Variants in CCDC33 observed in about 807,000 individuals in gnomAD.
The protein encoded by CCDC33 is coiled-coil domain-containing protein 33.
Under a neutral mutation model 91.9 loss-of-function variants are expected in CCDC33, and 94 were observed. The ratio of observed to expected loss-of-function variants is 1.02; its 90% CI spans 0.87 to 1.21. The LOEUF (loss-of-function observed/expected upper bound fraction) is 1.21. CCDC33 is among the 50% of genes most tolerant of loss of function. CCDC33 has a pLI of 0.00. For synonymous variants in CCDC33, 396 were observed against 374.5 expected (o/e 1.06, Z -0.66); for missense variants, 940 against 935.5 (o/e 1.00, Z -0.06).
intron 10 of CCDC33, among the ~76,000 whole-genome samples, chr15:74,293,149 C>T (rs1346661825): frequency 1.3e-5 from 2 of 152,114 alleles, no homozygotes; most frequent in Non-Finnish European, 2.9e-5. Context: ...TTGCAATTGT[C>T]CCTGCTTTCA....
At chr15:74,327,329 C>G (rs1034156027) in intron 11 of CCDC33, among the ~76,000 whole-genome samples, 1 of 152,206 alleles carries the variant, frequency 6.6e-6, no homozygotes, top group Admixed American at 6.5e-5. Context: ...TCTGTCAAAG[C>G]GAGGTGTTAA....
chr15:74,215,773 A>C (rs1337893883), upstream of CCDC33, among the ~76,000 whole-genome samples: 4 of 151,686 alleles, frequency 2.6e-5, no homozygotes, highest in African/African-American at 9.7e-5. Context: ...AAGAAGGCTG[A>C]GGCAGGAGAA....
At chr15:74,251,865 C>T (rs2075720621) in intron 2 of CCDC33, among the ~76,000 whole-genome samples, 1 of 152,118 alleles carries the variant, frequency 6.6e-6, no homozygotes, top group East Asian at 1.9e-4. Context: ...GAAATCCTGG[C>T]AAGAGGGGGG....
At chr15:74,266,372 A>AG (rs1566981818) in intron 3 of CCDC33, among the ~76,000 whole-genome samples, 3 of 152,208 alleles carry the variant, frequency 2.0e-5, no homozygotes, top group Non-Finnish European at 4.4e-5. Flanking sequence ...CTGTTGCCAC[A>AG]GGGGACTGGA....
chr15:74,269,398 G>A (rs2076255523), intron 5 of CCDC33, among the ~76,000 whole-genome samples: 1 of 152,058 alleles, frequency 6.6e-6, no homozygotes, highest in Admixed American at 6.6e-5. Flanking sequence ...GAGACCCAAG[G>A]GGAGTATGGT....
At chr15:74,325,153 A>G (rs2060285125) in intron 11 of CCDC33, among the ~76,000 whole-genome samples, 1 of 150,222 alleles carries the variant, frequency 6.7e-6, no homozygotes, top group Non-Finnish European at 1.5e-5. Flanking sequence ...GCCTCCATTC[A>G]TTTCTCTGTC....
At chr15:74,318,599 C>G (rs778167646) in intron 11 of CCDC33, 19 of 735,332 alleles carry the variant, frequency 2.6e-5, no homozygotes, top group Admixed American at 6.2e-5. Context: ...GATGGGGGAG[C>G]CAGGGCCCCC....
rs1021335185 is a variant in CCDC33 at position 74,286,005 on chromosome 15, T to TAAA, written c.1095+4157_1095+4158insAAA. On this transcript the variant is annotated intron_variant, in intron 10 of 18. Coordinates refer to ENST00000398814, the MANE Select transcript of CCDC33 (RefSeq NM_025055.5). Reference sequence around the variant, plus strand: ...GCTCACGCCTGTAATCCCAAGACTTTAGGAGTCTGAGGCGGGCGGATCATG... The same window carrying TAAA: ...GCTCACGCCTGTAATCCCAAGACTTTAAAAGGAGTCTGAGGCGGGCGGATCATG... Among the ~76,000 whole-genome samples the TAAA allele has an allele frequency of 1.9e-4, 29 of 152,262 alleles. 2 individuals are homozygous for TAAA. Among genetic ancestry groups the TAAA allele is most frequent in the African/African-American group, 7.0e-4 (29 of 41,534 alleles).
intron 2 of CCDC33, among the ~76,000 whole-genome samples, chr15:74,254,456 G>T (rs74460962): frequency 6.6e-6 from 1 of 152,306 alleles, no homozygotes; most frequent in South Asian, 2.1e-4. Flanking sequence ...TTCCTCTCCT[G>T]AACCCTCAAC....
At chr15:74,217,994 G>T (rs2074492772) in intron 1 of CCDC33, among the ~76,000 whole-genome samples, 1 of 152,050 alleles carries the variant, frequency 6.6e-6, no homozygotes, top group African/African-American at 2.4e-5. Flanking sequence ...GAAATGAGGG[G>T]ACCTGGGCCC....
Position 74,316,916 on chromosome 15 carries a change from G to A in CCDC33, c.1291-13273G>A, listed in dbSNP as rs188577330. On this transcript the variant is annotated intron_variant, in intron 11 of 18. Coordinates refer to ENST00000398814, the MANE Select transcript of CCDC33 (RefSeq NM_025055.5). This position sits in a 1 kb window ranked among gnomAD's most constrained non-coding sequence, Gnocchi z 4.7. ...CAGGCTTAGAGAGGTTAAGTGACCT[G>A]TCCAAAGTCACACAGCTGCTTAGTA... Among the ~76,000 whole-genome samples, 1 of 152,300 alleles carries A rather than the reference G, an allele frequency of 6.6e-6. No homozygotes were observed. The highest frequency in any genetic ancestry group is 1.9e-4 in the East Asian group (1 of 5,190).
intron 2 of CCDC33, among the ~76,000 whole-genome samples, chr15:74,219,645 T>C (rs897628578): frequency 9.2e-5 from 14 of 152,094 alleles, no homozygotes; most frequent in African/African-American, 3.4e-4. Context: ...CAGATTTTGG[T>C]GACTAGGAAC....
chr15:74,236,528 C>CCCCA lies in CCDC33; in HGVS notation c.-192_-191insCCCA. 1 of 430,532 alleles carries CCCCA rather than the reference C, an allele frequency of 2.3e-6. No homozygotes were observed. The highest frequency in any genetic ancestry group is 4.2e-6 in the Non-Finnish European group (1 of 236,664). 26.7% of individuals were successfully genotyped at this position (430,532 alleles called of 1,614,324 possible). On this transcript the variant is annotated 5_prime_UTR_variant, in exon 1 of 19. Transcript: ENST00000398814. ...CACCTGGCCACCCTCCCCCTCCCCCCACATCCAGGCCCCAGGGCTGGTGTG... is the reference window on the plus strand; with the variant it reads ...CACCTGGCCACCCTCCCCCTCCCCCCCCCAACATCCAGGCCCCAGGGCTGGTGTG...
Position 74,295,915 on chromosome 15 carries a change from G to A in CCDC33, c.1257G>A (p.Glu419=), listed in dbSNP as rs2059677041. ...CGTCCACTCCACGAGAAGCAGAGGAGGAACCTCTGGTGCCTGAGATGTCCC... is the reference window on the plus strand; with the variant it reads ...CGTCCACTCCACGAGAAGCAGAGGAAGAACCTCTGGTGCCTGAGATGTCCC... The part of the protein sequence containing the change: ...LSTSTPREAE[E]EPLVPEMSHD... Residue 419 remains glutamate (E), a synonymous_variant, in exon 11 of 19, where the codon GAG becomes GAA. Transcript: ENST00000398814. 6.2e-7 allele frequency: 1 copy of A among 1,613,668 alleles called. No homozygotes were observed. The highest frequency in any genetic ancestry group is 1.3e-5 in the African/African-American group (1 of 74,918).
chr15:74,320,196 G>A (rs1304535151), intron 11 of CCDC33, among the ~76,000 whole-genome samples: 1 of 152,136 alleles, frequency 6.6e-6, no homozygotes. Flanking sequence ...AGAGCTTCCG[G>A]GCCTGGCTGG....
chr15:74,218,844 C>T lies in CCDC33; in HGVS notation c.658C>T (p.Gln220Ter). ...ACTGATGTCACCATGCCCAGAGCCCCAGCTCCCCATACTGCAGGTGGGTGC... is the reference window on the plus strand; with the variant it reads ...ACTGATGTCACCATGCCCAGAGCCCTAGCTCCCCATACTGCAGGTGGGTGC... The change falls in exon 2 of 3, where the codon CAG (glutamine) becomes TAG (stop). Residue 220 changes from glutamine to a stop codon, truncating the protein, a stop_gained. Coordinates refer to the CCDC33 transcript ENST00000635913. LOFTEE classifies it low-confidence loss of function (END_TRUNC). The surrounding 1 kb of genome is among the most constrained non-coding windows in gnomAD (Gnocchi z 4.8). 1.6e-6 allele frequency: 2 copies of T among 1,246,700 alleles called. No individual in the cohort carries two copies. The highest frequency in any genetic ancestry group is 2.1e-6 in the Non-Finnish European group (2 of 966,388). 77.2% of individuals were successfully genotyped at this position (1,246,700 alleles called of 1,614,324 possible). A position where few individuals can be genotyped will look rare whatever the true frequency, so the allele number is the denominator to read the frequency against.
chr15:74,210,407 A>T (rs2074350315), intron 2 of CCDC33, among the ~76,000 whole-genome samples: 2 of 152,236 alleles, frequency 1.3e-5, no homozygotes, highest in Admixed American at 6.5e-5. Flanking sequence ...TTGCCAAGTA[A>T]CAGTAACCAA....
Position 74,277,247 on chromosome 15 carries a change from A to G in CCDC33, c.760-2716A>G, listed in dbSNP as rs956786548. Among the ~76,000 whole-genome samples, 7 of 152,226 alleles carry G rather than the reference A, an allele frequency of 4.6e-5. No individual in the cohort carries two copies. The East Asian group carries it at 7.7e-4, about 17-fold the overall frequency. ...GAAGGGACTTGAAGGCCACACAGCA[A>G]GGTTGAGGCAGACCCAGACCCAGAG... is the stretch of plus-strand genomic sequence containing the variant. On this transcript the variant is annotated intron_variant, in intron 7 of 18. Transcript: ENST00000398814.
chr15:74,221,216 GTTTTTTTTT>G (rs56039521), intron 2 of CCDC33: 92 of 676,224 alleles, frequency 1.4e-4, no homozygotes, highest in Admixed American at 2.4e-4. Flanking sequence ...TGTGGCACTG[GTTTTTTTTT>G]TTTTTTTTTT....
Sources: allele counts gnomAD v4.1 joint callset (sites outside exome capture counted in the v4.1 genomes callset), GRCh38; gene constraint gnomAD v4.1.1; non-coding constraint Gnocchi (gnomAD v3.1); transcripts MANE v1.5; gene names NCBI Gene and HGNC (gene_info 2026-07-23, HGNC 2026-07-21).